PHACTR1: variants seen among roughly 807,000 people sequenced by gnomAD.
PHACTR1 encodes the protein RPEL repeat containing 1.
PHACTR1 carries 16 observed loss-of-function variants against 69.2 expected under a neutral mutation model. That is an observed-to-expected ratio of 0.23 (90% CI 0.16 to 0.35). The LOEUF is 0.35. Among genes scored for constraint, PHACTR1 ranks in the 10% least tolerant of loss-of-function variants. The pLI is 1.00. For synonymous variants in PHACTR1, 312 were observed against 284.5 expected (o/e 1.10, Z -0.97); for missense variants, 510 against 734.7 (o/e 0.69, Z 3.54).
chr6:13,146,672 G>A (rs1331690592), intron 5 of PHACTR1, among the ~76,000 whole-genome samples: 1 of 152,144 alleles, frequency 6.6e-6, no homozygotes. Context: ...AGCCGTTCTG[G>A]GCAGGATTTC....
At chr6:13,261,863 G>A (rs1460809283) in intron 10 of PHACTR1, among the ~76,000 whole-genome samples, 1 of 152,172 alleles carries the variant, frequency 6.6e-6, no homozygotes, top group Admixed American at 6.5e-5. Flanking sequence ...AGAATGGTAA[G>A]GCTATGAGGA....
intron 8 of PHACTR1, among the ~76,000 whole-genome samples, chr6:13,219,952 T>G (rs1477338644): frequency 6.6e-6 from 1 of 152,212 alleles, no homozygotes; most frequent in Non-Finnish European, 1.5e-5. Context: ...GTTCACATCC[T>G]GCTGTGATCA....
At chr6:12,958,916 C>T (rs182268975) in intron 4 of PHACTR1, among the ~76,000 whole-genome samples, 38 of 152,188 alleles carry the variant, frequency 2.5e-4, no homozygotes, top group Middle Eastern at 3.4e-3. Context: ...GTGGCTCACG[C>T]CTATAATCCC....
At chr6:13,103,021 G>C (rs1433599302) in intron 5 of PHACTR1, among the ~76,000 whole-genome samples, 1 of 152,190 alleles carries the variant, frequency 6.6e-6, no homozygotes, top group Non-Finnish European at 1.5e-5. Flanking sequence ...TGGAACTTAA[G>C]AGGCTCAGTT....
intron 4 of PHACTR1, among the ~76,000 whole-genome samples, chr6:13,025,371 C>T (rs750043600): frequency 5.9e-5 from 9 of 152,180 alleles, no homozygotes; most frequent in South Asian, 4.1e-4. Flanking sequence ...TCTTGGAAGA[C>T]GCCCATATAC....
intron 4 of PHACTR1, among the ~76,000 whole-genome samples, chr6:13,026,283 CAG>C (rs926719244): frequency 6.6e-6 from 1 of 152,160 alleles, no homozygotes; most frequent in African/African-American, 2.4e-5. Flanking sequence ...GTTAGGAAAA[CAG>C]AGCGCCCCTG....
chr6:12,967,907 A>C (rs534576035), intron 4 of PHACTR1, among the ~76,000 whole-genome samples: 1 of 152,240 alleles, frequency 6.6e-6, no homozygotes, highest in African/African-American at 2.4e-5. Flanking sequence ...ATTTGAAAAC[A>C]CTATCTTGAA....
At chr6:12,804,911 A>C (rs1240048714) in intron 4 of PHACTR1, among the ~76,000 whole-genome samples, 1 of 152,252 alleles carries the variant, frequency 6.6e-6, no homozygotes, top group Non-Finnish European at 1.5e-5. Context: ...GACAAGAATT[A>C]ATCTATAGAC....
intron 4 of PHACTR1, among the ~76,000 whole-genome samples, chr6:12,956,538 T>C (rs1304452318): frequency 2.6e-5 from 4 of 152,168 alleles, no homozygotes; most frequent in African/African-American, 9.7e-5. Flanking sequence ...TGCAATATGG[T>C]TGAAAGTGGA....
At chr6:12,840,257 C>CT (rs1400549947) in intron 4 of PHACTR1, among the ~76,000 whole-genome samples, 34 of 152,264 alleles carry the variant, frequency 2.2e-4, no homozygotes, top group African/African-American at 7.9e-4. Context: ...GTATTTTATA[C>CT]TTTTTTGATG....
chr6:13,063,754 T>C lies in PHACTR1; in HGVS notation c.415+10225T>C, dbSNP rs1485525485. Among the ~76,000 whole-genome samples, 6 of 151,228 alleles carry C rather than the reference T, an allele frequency of 4.0e-5. No homozygotes were observed. The South Asian group carries it at 8.4e-4, about 21-fold the overall frequency. Reference sequence around the variant, plus strand: ...ATGTTTGCACTACTGTACTCCAGCCTGGGCAATGGAGTGAGACCCTGTCTG... The same window carrying C: ...ATGTTTGCACTACTGTACTCCAGCCCGGGCAATGGAGTGAGACCCTGTCTG... On this transcript the variant is annotated intron_variant, in intron 5 of 14. Coordinates refer to ENST00000332995, the MANE Select transcript of PHACTR1 (RefSeq NM_030948.6).
At chr6:12,749,120 C>G (rs1766188797) in intron 3 of PHACTR1, among the ~76,000 whole-genome samples, 1 of 152,244 alleles carries the variant, frequency 6.6e-6, no homozygotes, top group Non-Finnish European at 1.5e-5. Flanking sequence ...GAGCTGGGAC[C>G]GCGGGCGCGG....
intron 4 of PHACTR1, among the ~76,000 whole-genome samples, chr6:13,042,377 C>T (rs1457154313): frequency 6.6e-6 from 1 of 152,144 alleles, no homozygotes. Context: ...TCTTCTTAGC[C>T]AGCCACCTGA....
At chr6:12,774,157 T>C (rs894267461) in intron 4 of PHACTR1, among the ~76,000 whole-genome samples, 7 of 152,224 alleles carry the variant, frequency 4.6e-5, no homozygotes, top group African/African-American at 1.7e-4. Flanking sequence ...GTATTGGAAA[T>C]ATTCTTTATT....
At chr6:13,072,331 T>C (rs1267457153) in intron 5 of PHACTR1, among the ~76,000 whole-genome samples, 1 of 152,226 alleles carries the variant, frequency 6.6e-6, no homozygotes, top group East Asian at 1.9e-4. Context: ...GGAAGGTCTT[T>C]ACTGTCATAA....
intron 4 of PHACTR1, among the ~76,000 whole-genome samples, chr6:12,839,744 A>G (rs142594971): frequency 5.0e-4 from 76 of 152,330 alleles, no homozygotes; most frequent in Admixed American, 2.3e-3. Flanking sequence ...TCGTTAAATT[A>G]TAATGAATGA....
chr6:12,822,059 G>T (rs1229669087), intron 4 of PHACTR1, among the ~76,000 whole-genome samples: 6 of 152,190 alleles, frequency 3.9e-5, no homozygotes, highest in African/African-American at 1.4e-4. Flanking sequence ...AAACCCCCAG[G>T]AGAGTTTATC....
intron 4 of PHACTR1, among the ~76,000 whole-genome samples, chr6:13,051,447 G>C (rs905330858): frequency 1.3e-5 from 2 of 152,144 alleles, no homozygotes; most frequent in African/African-American, 4.8e-5. Flanking sequence ...GAGCTTACAT[G>C]ATCTGGTTCC....
At chr6:12,844,846 A>G (rs1159952947) in intron 4 of PHACTR1, among the ~76,000 whole-genome samples, 7 of 152,172 alleles carry the variant, frequency 4.6e-5, no homozygotes, top group Non-Finnish European at 1.0e-4. Flanking sequence ...TACTGTTAAA[A>G]GCAATCCGTG....
Sources: gnomAD v4.1 joint callset for allele counts (sites outside exome capture counted in the v4.1 genomes callset) on GRCh38, gnomAD v4.1.1 for gene constraint, MANE v1.5 for transcripts, NCBI Gene and HGNC (gene_info 2026-07-23, HGNC 2026-07-21) for gene names.